RUSF1: variants seen among roughly 807,000 people sequenced by gnomAD.
RUSF1 encodes the protein RUS1 family protein C16orf58.
Under a neutral mutation model 63.0 loss-of-function variants are expected in RUSF1, and 58 were observed. The ratio of observed to expected loss-of-function variants is 0.92; its 90% CI spans 0.75 to 1.15. The LOEUF (loss-of-function observed/expected upper bound fraction) is 1.15, where lower values mean the gene tolerates loss of function less well. Ranked by LOEUF, RUSF1 falls within the 50% of genes most tolerant of loss-of-function variation. The pLI, the probability that RUSF1 is intolerant of heterozygous loss-of-function variation, is 0.00. For synonymous variants in RUSF1, 274 were observed against 255.8 expected (o/e 1.07, Z -0.68); for missense variants, 652 against 611.0 (o/e 1.07, Z -0.71).
At chr16:31,507,334 T>A (rs1276658066) in intron 2 of RUSF1, among the ~76,000 whole-genome samples, 1 of 152,246 alleles carries the variant, frequency 6.6e-6, no homozygotes, top group Non-Finnish European at 1.5e-5. Flanking sequence ...TCCCAGAGCA[T>A]ACACAATACC....
intron 6 of RUSF1, 46 bp downstream of exon 6, chr16:31,496,803 C>T: frequency 6.8e-7 from 1 of 1,472,934 alleles, no homozygotes. Context: ...GCTTCTCTCC[C>T]CTTCCCCTCC....
chr16:31,508,238 T>C lies in RUSF1; in HGVS notation c.136A>G (p.Arg46Gly), dbSNP rs1305184925. ...VGGWRWWGLS[R>G]AFTVKPEGRD... ...CCTTCAGGTTTGACCGTGAAGGCCCTGGAGAGCCCCCACCAGCGCCAGCCC... is the reference window on the plus strand; with the variant it reads ...CCTTCAGGTTTGACCGTGAAGGCCCCGGAGAGCCCCCACCAGCGCCAGCCC... The change falls in exon 1 of 13, where the codon AGG becomes GGG. Residue 46 changes from arginine to glycine, a missense_variant. Physicochemically the swap from Arg to Gly is moderately radical, Grantham distance 125 (BLOSUM62 -2). Transcript: ENST00000327237. 2.6e-6 allele frequency: 4 copies of C among 1,563,980 alleles called. No homozygotes were observed. The South Asian group carries it at 4.7e-5, about 18-fold the overall frequency.
chr16:31,507,633 A>G (rs2142665565), intron 2 of RUSF1, 131 bp downstream of exon 2: 1 of 812,826 alleles, frequency 1.2e-6, no homozygotes, highest in Admixed American at 2.5e-5. Flanking sequence ...ACAAAGCACC[A>G]CTCTAATCAC....
intron 6 of RUSF1, among the ~76,000 whole-genome samples, chr16:31,495,890 A>AT (rs2082599506): frequency 6.6e-6 from 1 of 152,204 alleles, no homozygotes; most frequent in Admixed American, 6.5e-5. Context: ...TGCTTAATAA[A>AT]TATTAGCTTG....
In RUSF1 at chr16:31,491,265, G is replaced by A. The variant is rs368464131; in HGVS notation, c.1310-333C>T. Among the ~76,000 whole-genome samples the A allele has an allele frequency of 1.3e-4, 20 of 152,024 alleles. No homozygotes were observed. In the East Asian group the frequency reaches 1.5e-3, roughly 12 times the overall value. On this transcript the variant is annotated intron_variant, in intron 12 of 12. Transcript: ENST00000327237. Reference sequence around the variant, plus strand: ...CTTCAAAGACCATTCTAAGCTCTCCGTCCTATAAACAGGGAAACTGAGTAA... The same window carrying A: ...CTTCAAAGACCATTCTAAGCTCTCCATCCTATAAACAGGGAAACTGAGTAA...
rs1306701868 is a variant in RUSF1 at position 31,508,349 on chromosome 16, T to C, written c.25A>G (p.Thr9Ala). The C allele has an allele frequency of 2.6e-6, 4 of 1,535,454 alleles. No individual in the cohort carries two copies. Among genetic ancestry groups the C allele is most frequent in the African/African-American group, 1.4e-5 (1 of 71,504 alleles). The stretch of plus-strand genomic sequence containing the variant: ...CCGAACTGCTCGGAACACAGCGGGG[T>C]CTCCAAACCCGCGTCGTCAGCCATG... MADDAGLE[T>A]PLCSEQFGSG... Residue 9 changes from threonine (T) to alanine (A), a missense_variant, in exon 1 of 13, where the codon ACC (threonine) becomes GCC (alanine). Thr to Ala is a moderately conservative substitution (Grantham distance 58). Coordinates refer to ENST00000327237, the MANE Select transcript of RUSF1 (RefSeq NM_022744.4).
Position 31,490,915 on chromosome 16 carries a change from A to G in RUSF1, c.1327T>C (p.Trp443Arg), listed in dbSNP as rs2082562373. 15 of 1,614,082 alleles carry G rather than the reference A, an allele frequency of 9.3e-6. No individual in the cohort carries two copies. Among genetic ancestry groups the G allele is most frequent in the Non-Finnish European group, 1.3e-5 (15 of 1,180,000 alleles). ...KFLKGLQDAG[W>R]KTEKHQLEVD... ...TCTAGCTGGTGCTTCTCGGTCTTCC[A>G]GCCGGCATCCTGCAGTCCTGGGGAG... The change falls in exon 13 of 13, where the codon TGG becomes CGG. Residue 443 changes from tryptophan to arginine, a missense_variant. Trp to Arg is a moderately radical substitution (Grantham distance 101). Transcript: ENST00000327237.
In RUSF1 at chr16:31,493,877, T is replaced by A. The variant is rs1316747987; in HGVS notation, c.762A>T (p.Ser254=). The A allele has an allele frequency of 6.2e-7, 1 of 1,614,188 alleles. No homozygotes were observed. Among genetic ancestry groups the A allele is most frequent in the South Asian group, 1.1e-5 (1 of 91,084 alleles). The change falls in exon 7 of 13, where the codon TCA becomes TCT. Residue 254 remains serine (S), a synonymous_variant. Transcript: ENST00000327237. ...TGCTTCCGGCTTACCCAGGGCAACC[T>A]GACACCAGAGGGAGCATCAGGAGGC... ...LVSLLMLPLV[S]GCPGFSLGCF... is the part of the protein sequence containing the mutation.
chr16:31,499,249 C>T (rs74749857), intron 5 of RUSF1, 53 bp downstream of exon 5: 37,986 of 1,491,254 alleles, frequency 0.025, 3,675 homozygotes, highest in African/African-American at 0.22. Flanking sequence ...GGTAAACTCA[C>T]ACACTACCAA....
Position 31,490,386 on chromosome 16 carries a change from A to G in RUSF1, c.*449T>C. On this transcript the variant is annotated 3_prime_UTR_variant, in exon 13 of 13. Transcript: ENST00000327237. ...TGGAATGAGCAGAGGTGGGGTGGGC[A>G]GTCCTCCGCCCCTTACCCAGGAGGA... The G allele has an allele frequency of 1.2e-6, 2 of 1,613,332 alleles. No homozygotes were observed. The highest frequency in any genetic ancestry group is 2.2e-5 in the East Asian group (1 of 44,878).
At chr16:31,504,077 T>C (rs1214278842) in intron 2 of RUSF1, among the ~76,000 whole-genome samples, 1 of 151,614 alleles carries the variant, frequency 6.6e-6, no homozygotes, top group Non-Finnish European at 1.5e-5. Context: ...TTTTGAGTTT[T>C]TTGTTAGAGA....
chr16:31,501,637 C>T (rs2082633584), intron 2 of RUSF1, among the ~76,000 whole-genome samples: 1 of 151,212 alleles, frequency 6.6e-6, no homozygotes, highest in Non-Finnish European at 1.5e-5. Flanking sequence ...GCTGGGGTTG[C>T]ACGGCAGAGG....
intron 2 of RUSF1, among the ~76,000 whole-genome samples, chr16:31,507,312 C>T (rs1338212478): frequency 1.3e-5 from 2 of 152,192 alleles, no homozygotes; most frequent in African/African-American, 4.8e-5. Context: ...TTATTTACAG[C>T]ATCATCTGGT....
chr16:31,499,456 T>C (rs756440803), intron 4 of RUSF1, 37 bp downstream of exon 4: 1 of 1,612,218 alleles, frequency 6.2e-7, no homozygotes, highest in Non-Finnish European at 8.5e-7. Context: ...ACTTTCATAA[T>C]GGAAGACTCC....
chr16:31,508,282 C>A lies in RUSF1; in HGVS notation c.92G>T (p.Ser31Ile), dbSNP rs914205170. Residue 31 changes from serine to isoleucine, a missense_variant, in exon 1 of 13, where the codon AGC becomes ATC. Coordinates refer to ENST00000327237, the MANE Select transcript of RUSF1 (RefSeq NM_022744.4). ...ARGCRAAADG[S>I]LQWEVGGWRW... Reference sequence around the variant, plus strand: ...CCAGCCCCCGACCTCCCACTGCAGGCTCCCGTCCGCGGCGGCGCGGCAGCC... The same window carrying A: ...CCAGCCCCCGACCTCCCACTGCAGGATCCCGTCCGCGGCGGCGCGGCAGCC... 2 of 1,572,716 alleles carry A rather than the reference C, an allele frequency of 1.3e-6. No homozygotes were observed. The highest frequency in any genetic ancestry group is 1.7e-6 in the Non-Finnish European group (2 of 1,160,118).
chr16:31,496,182 C>T (rs906453204), intron 6 of RUSF1, among the ~76,000 whole-genome samples: 2 of 152,034 alleles, frequency 1.3e-5, no homozygotes, highest in African/African-American at 2.4e-5. Context: ...CTCCTGAGCT[C>T]GAGGCTGGGA....
intron 2 of RUSF1, among the ~76,000 whole-genome samples, chr16:31,504,570 G>A (rs2082648511): frequency 6.6e-6 from 1 of 152,134 alleles, no homozygotes; most frequent in Admixed American, 6.6e-5. Context: ...CACCATGCCC[G>A]GCCAAGGTTA....
intron 4 of RUSF1, 41 bp from the exon 5 acceptor site, chr16:31,499,448 T>A (rs1397301879): frequency 6.2e-7 from 1 of 1,612,900 alleles, no homozygotes. Flanking sequence ...GGTAGGAGAC[T>A]TTCATAATGG....
At position 31,490,296 on chromosome 16, in the gene RUSF1, CA is replaced by C; in HGVS notation, c.*538del. On this transcript the variant is annotated 3_prime_UTR_variant, in exon 13 of 13. Transcript: ENST00000327237. The stretch of plus-strand genomic sequence containing the variant: ...TTCCCGCAAACTAACTGCAGGGCCT[CA>C]ATTTCCCTCAGAGCCCCAGGCCCCG... 3 of 1,613,054 alleles carry C rather than the reference CA, an allele frequency of 1.9e-6. No homozygotes were observed. Among genetic ancestry groups the C allele is most frequent in the Non-Finnish European group, 2.5e-6 (3 of 1,179,648 alleles).
Sources: allele counts gnomAD v4.1 joint callset (sites outside exome capture counted in the v4.1 genomes callset), GRCh38; gene constraint gnomAD v4.1.1; transcripts MANE v1.5; gene names NCBI Gene and HGNC (gene_info 2026-07-23, HGNC 2026-07-21).